Variants in ELAPOR1 observed in about 807,000 individuals in gnomAD.
ELAPOR1 encodes endosome/lysosome-associated apoptosis and autophagy regulator 1.
Under a neutral mutation model 119.7 loss-of-function variants are expected in ELAPOR1, and 77 were observed. That is an observed-to-expected ratio of 0.64 (90% CI 0.54 to 0.78). The LOEUF (loss-of-function observed/expected upper bound fraction) is 0.78. ELAPOR1 is among the 30% of genes least tolerant of loss of function. The pLI is 0.00. For missense variants in ELAPOR1, 1,115 were observed against 1,270.4 expected, an observed-to-expected ratio of 0.88 and a Z score of 1.86; for synonymous variants, 481 against 487.2, an observed-to-expected ratio of 0.99 and a Z score of 0.17.
At chr1:109,184,903 G>A (rs1255522877) in intron 7 of ELAPOR1, 142 bp from the exon 8 acceptor site, 2 of 699,560 alleles carry the variant, frequency 2.9e-6, no homozygotes, top group Non-Finnish European at 5.2e-6. Context: ...AAGGGGAAGG[G>A]TGAGTGTGCA....
chr1:109,156,016 A>G (rs1156789801), intron 1 of ELAPOR1, among the ~76,000 whole-genome samples: 1 of 152,162 alleles, frequency 6.6e-6, no homozygotes, highest in African/African-American at 2.4e-5. Context: ...ACAGTGGTGC[A>G]CACCTGTAGT....
At chr1:109,135,898 T>C (rs189446985) in intron 1 of ELAPOR1, among the ~76,000 whole-genome samples, 1 of 152,296 alleles carries the variant, frequency 6.6e-6, no homozygotes, top group East Asian at 1.9e-4. Context: ...ATATGAAAAT[T>C]AAAGAGATAA....
At chr1:109,165,325 G>A (rs1651521843) in intron 3 of ELAPOR1, among the ~76,000 whole-genome samples, 3 of 151,978 alleles carry the variant, frequency 2.0e-5, no homozygotes, top group Admixed American at 2.0e-4. Flanking sequence ...GGTGGCTCAC[G>A]CCTGTAATCC....
chr1:109,163,380 T>C (rs1380160778), intron 2 of ELAPOR1, among the ~76,000 whole-genome samples: 1 of 152,170 alleles, frequency 6.6e-6, no homozygotes, highest in African/African-American at 2.4e-5. Context: ...AGGAGAATAA[T>C]AGTACATACG....
intron 7 of ELAPOR1, among the ~76,000 whole-genome samples, chr1:109,180,907 C>G (rs681821): frequency 0.95 from 144,571 of 152,102 alleles, 69,159 homozygotes; most frequent in Middle Eastern, 1. Context: ...AGAGGCTGTA[C>G]TGAGCTGATT....
chr1:109,194,337 C>CG lies in ELAPOR1; in HGVS notation c.1948-79dup, dbSNP rs1356300506. On this transcript the variant is annotated intron_variant, in intron 14 of 21. Transcript: ENST00000369939. The stretch of plus-strand genomic sequence containing the variant: ...TTGACCCCATTTGGGCGGGACCAGA[C>CG]GGGGGAGAAAACTGCTACTCTTGGC... 3 of 1,283,404 alleles carry CG rather than the reference C, an allele frequency of 2.3e-6. No homozygotes were observed. In the African/African-American group the frequency reaches 4.3e-5, roughly 18 times the overall value. 79.5% of individuals were successfully genotyped at this position (1,283,404 alleles called of 1,614,324 possible).
chr1:109,152,501 A>C (rs1650596211), intron 1 of ELAPOR1, among the ~76,000 whole-genome samples: 1 of 152,176 alleles, frequency 6.6e-6, no homozygotes, highest in Non-Finnish European at 1.5e-5. Context: ...TCTGGGAGGT[A>C]GGGGAGGTAG....
intron 1 of ELAPOR1, among the ~76,000 whole-genome samples, chr1:109,157,556 C>A (rs1293444620): frequency 6.6e-6 from 1 of 152,140 alleles, no homozygotes; most frequent in Non-Finnish European, 1.5e-5. Flanking sequence ...AGCTAGGTAA[C>A]CTTATGAATA....
At chr1:109,145,852 G>A (rs7519535) in intron 1 of ELAPOR1, among the ~76,000 whole-genome samples, 11,349 of 151,962 alleles carry the variant, frequency 0.075, 481 homozygotes, top group Non-Finnish European at 0.09. Context: ...TGTACTTTTT[G>A]TACAGACAAA....
chr1:109,119,337 A>T (rs1448204134), intron 1 of ELAPOR1, among the ~76,000 whole-genome samples: 2 of 150,942 alleles, frequency 1.3e-5, no homozygotes, highest in East Asian at 3.9e-4. Flanking sequence ...GGTGTGCACC[A>T]CCATGCCCTG....
In ELAPOR1 at chr1:109,173,698, C is replaced by T. The variant is rs750497620; in HGVS notation, c.813C>T (p.Tyr271=). The T allele has an allele frequency of 9.3e-6, 15 of 1,613,998 alleles. No individual in the cohort carries two copies. Among genetic ancestry groups the T allele is most frequent in the African/African-American group, 1.3e-5 (1 of 74,914 alleles). Reference sequence around the variant, plus strand: ...CTTCCTCCTCCCTAGGGGTGGCCTACACTTCAGAATGCTTCCCCTGCAAAC... The same window carrying T: ...CTTCCTCCTCCCTAGGGGTGGCCTATACTTCAGAATGCTTCCCCTGCAAAC... ...VRNIAITGVA[Y]TSECFPCKPG... is the part of the protein sequence containing the mutation. Residue 271 remains tyrosine (Y), a synonymous_variant, in exon 7 of 22, where the codon TAC becomes TAT. Coordinates refer to ENST00000369939, the MANE Select transcript of ELAPOR1 (RefSeq NM_020775.5).
chr1:109,169,801 A>T (rs908337004), intron 3 of ELAPOR1, among the ~76,000 whole-genome samples: 4 of 152,226 alleles, frequency 2.6e-5, no homozygotes, highest in Admixed American at 6.5e-5. Context: ...GAGCAACAGG[A>T]ACAGTGTAGC....
chr1:109,144,061 A>ATATATATATATTTTTTTTTTT, intron 1 of ELAPOR1, among the ~76,000 whole-genome samples: 4 of 89,012 alleles, frequency 4.5e-5, no homozygotes, highest in African/African-American at 9.6e-5. Context: ...ATATTTATAT[A>ATATATATATATTTTTTTTTTT]TTTTTTTTTT....
At chr1:109,179,963 G>A (rs1178696562) in intron 7 of ELAPOR1, among the ~76,000 whole-genome samples, 4 of 152,134 alleles carry the variant, frequency 2.6e-5, no homozygotes, top group Admixed American at 2.6e-4. Context: ...AGACCACTCT[G>A]GCTGCCATGC....
rs538692879 is a variant in ELAPOR1, at chr1:109,187,605, C to T, written c.1042-572C>T. On this transcript the variant is annotated intron_variant, in intron 8 of 21. Coordinates refer to ENST00000369939, the MANE Select transcript of ELAPOR1 (RefSeq NM_020775.5). The stretch of plus-strand genomic sequence containing the variant: ...TCACCCCTGACTCAGCCGGGGTCTC[C>T]TGCGGGTCATCTCCACTTCTGTACC... 21 of 1,002,324 alleles carry T rather than the reference C, an allele frequency of 2.1e-5. No individual in the cohort carries two copies. In the East Asian group the frequency reaches 1.8e-3, roughly 87 times the overall value. 62.1% of individuals were successfully genotyped at this position (1,002,324 alleles called of 1,614,324 possible). A position where few individuals can be genotyped will look rare whatever the true frequency, so the allele number is the denominator to read the frequency against.
intron 7 of ELAPOR1, among the ~76,000 whole-genome samples, 185 bp downstream of exon 7, chr1:109,174,022 T>G (rs546769827): frequency 6.6e-6 from 1 of 151,160 alleles, no homozygotes; most frequent in East Asian, 2.0e-4. Flanking sequence ...GTCATTTTTT[T>G]TTTTTTTTGA....
intron 3 of ELAPOR1, among the ~76,000 whole-genome samples, chr1:109,171,581 C>T (rs1651930543): frequency 6.6e-6 from 1 of 152,022 alleles, no homozygotes; most frequent in Non-Finnish European, 1.5e-5. Context: ...CCCTCCCCAA[C>T]TTCACCTGCC....
intron 15 of ELAPOR1, 99 bp downstream of exon 15, chr1:109,194,693 A>AAACCCCCT: frequency 9.0e-7 from 1 of 1,111,134 alleles, no homozygotes; most frequent in Non-Finnish European, 1.3e-6. Context: ...TCCTTCAGGT[A>AAACCCCCT]GCAGGGGGTT....
intron 1 of ELAPOR1, among the ~76,000 whole-genome samples, chr1:109,121,208 G>A (rs763219702): frequency 4.9e-4 from 75 of 152,046 alleles, no homozygotes; most frequent in Non-Finnish European, 8.4e-4. Context: ...GTCCAGTGGC[G>A]TGATCTCGGC....
Sources: gnomAD v4.1 joint callset for allele counts (sites outside exome capture counted in the v4.1 genomes callset) on GRCh38, gnomAD v4.1.1 for gene constraint, MANE v1.5 for transcripts, NCBI Gene and HGNC (gene_info 2026-07-23, HGNC 2026-07-21) for gene names.